TNFSF11: variants seen among roughly 807,000 people sequenced by gnomAD.
The protein encoded by TNFSF11 is tumor necrosis factor ligand superfamily member 11.
In TNFSF11, 12 loss-of-function variants were observed where a neutral mutation model predicts 32.2. The observed-to-expected ratio is 0.37, with a 90% CI of 0.24 to 0.60. The LOEUF (loss-of-function observed/expected upper bound fraction) is 0.60, where lower values mean the gene tolerates loss of function less well. Among genes scored for constraint, TNFSF11 ranks in the 20% least tolerant of loss-of-function variants. The probability of loss-of-function intolerance (pLI) is 0.66; values close to 1 mark genes in which losing one functional copy is unlikely to be tolerated. For missense variants in TNFSF11, 345 were observed against 398.0 expected (o/e 0.87, Z 1.13); for synonymous variants, 172 against 152.1 (o/e 1.13, Z -0.96).
chr13:42,587,800 A>C (rs1239663010), intron 2 of TNFSF11, among the ~76,000 whole-genome samples: 1 of 152,242 alleles, frequency 6.6e-6, no homozygotes, highest in Non-Finnish European at 1.5e-5. Flanking sequence ...TGCAATCTCC[A>C]TTATTATAAG....
intron 4 of TNFSF11, among the ~76,000 whole-genome samples, chr13:42,603,024 AAAT>A (rs1203297847): frequency 6.6e-6 from 1 of 152,204 alleles, no homozygotes; most frequent in African/African-American, 2.4e-5. Flanking sequence ...CTGTTTAAGA[AAAT>A]AGAATTTGTG....
intron 2 of TNFSF11, among the ~76,000 whole-genome samples, chr13:42,588,842 A>T (rs1207085084): frequency 6.6e-6 from 1 of 152,150 alleles, no homozygotes; most frequent in African/African-American, 2.4e-5. Flanking sequence ...AAGGAGTGTG[A>T]AGCCTGTGTG....
At chr13:42,576,563 G>A (rs1039761705) in intron 1 of TNFSF11, among the ~76,000 whole-genome samples, 5 of 152,020 alleles carry the variant, frequency 3.3e-5, no homozygotes, top group Admixed American at 6.5e-5. Context: ...ATGAAAATTC[G>A]GTTCCTTTGA....
chr13:42,605,925 T>G (rs1278741936), intron 4 of TNFSF11, among the ~76,000 whole-genome samples: 1 of 152,202 alleles, frequency 6.6e-6, no homozygotes, highest in African/African-American at 2.4e-5. Context: ...CTTTCCCTCT[T>G]CATGAGTTAA....
intron 2 of TNFSF11, among the ~76,000 whole-genome samples, chr13:42,599,303 CTCTATCTATCTATCTATCTA>C (rs140280017): frequency 2.1e-5 from 3 of 142,878 alleles, no homozygotes; most frequent in South Asian, 2.4e-4. Context: ...ATGTTATTGC[CTCTATCTATCTATCTATCTA>C]TCTATCTATC....
At chr13:42,589,319 A>G (rs1413897828) in intron 2 of TNFSF11, among the ~76,000 whole-genome samples, 1 of 151,680 alleles carries the variant, frequency 6.6e-6, no homozygotes, top group African/African-American at 2.4e-5. Context: ...TATTGTCTCT[A>G]CTCTGCTCAC....
At chr13:42,583,377 A>C (rs555202025) in intron 2 of TNFSF11, among the ~76,000 whole-genome samples, 3 of 137,648 alleles carry the variant, frequency 2.2e-5, no homozygotes, top group East Asian at 4.7e-4. Context: ...GCACCAGTGC[A>C]CTCCAGCCTG....
At chr13:42,601,757 G>T (rs886953282) in intron 4 of TNFSF11, among the ~76,000 whole-genome samples, 2 of 152,160 alleles carry the variant, frequency 1.3e-5, no homozygotes, top group Non-Finnish European at 2.9e-5. Flanking sequence ...TACTGGAGAT[G>T]GCTGAGTCTG....
chr13:42,598,868 A>G (rs145588122), intron 2 of TNFSF11, among the ~76,000 whole-genome samples: 118 of 152,362 alleles, frequency 7.7e-4, no homozygotes, highest in African/African-American at 2.3e-3. Flanking sequence ...CAGGGGAGAC[A>G]AAACTAGGAA....
intron 2 of TNFSF11, among the ~76,000 whole-genome samples, chr13:42,567,629 T>C (rs551753889): frequency 6.6e-6 from 1 of 152,324 alleles, no homozygotes; most frequent in Admixed American, 6.5e-5. Flanking sequence ...TTCCCAACCA[T>C]GATGGGATGG....
Position 42,606,880 on chromosome 13 carries a change from A to G in TNFSF11, c.916A>G (p.Thr306Ala). The G allele has an allele frequency of 6.2e-7, 1 of 1,614,170 alleles. No individual in the cohort carries two copies. The highest frequency in any genetic ancestry group is 8.5e-7 in the Non-Finnish European group (1 of 1,180,030). ...PSLLDPDQDA[T>A]YFGAFKVRDI... is the part of the protein sequence containing the mutation. Reference sequence around the variant, plus strand: ...CTTACTGGATCCGGATCAGGATGCAACATACTTTGGGGCTTTTAAAGTTCG... The same window carrying G: ...CTTACTGGATCCGGATCAGGATGCAGCATACTTTGGGGCTTTTAAAGTTCG... The change falls in exon 5 of 5, where the codon ACA becomes GCA. Residue 306 changes from threonine (T) to alanine (A), a missense_variant. Thr to Ala is a moderately conservative substitution (Grantham distance 58). Transcript: ENST00000398795.
At chr13:42,589,955 C>A (rs1042324245) in intron 2 of TNFSF11, among the ~76,000 whole-genome samples, 2 of 152,256 alleles carry the variant, frequency 1.3e-5, no homozygotes, top group Non-Finnish European at 2.9e-5. Context: ...TCAGGCATTA[C>A]TTCCTGGAGG....
At chr13:42,583,627 T>C (rs1873743491) in intron 2 of TNFSF11, among the ~76,000 whole-genome samples, 1 of 152,024 alleles carries the variant, frequency 6.6e-6, no homozygotes. Flanking sequence ...GATGGATTCT[T>C]GATGTTATTA....
intron 4 of TNFSF11, among the ~76,000 whole-genome samples, chr13:42,602,116 G>A (rs1168894646): frequency 6.6e-6 from 1 of 152,172 alleles, no homozygotes; most frequent in African/African-American, 2.4e-5. Flanking sequence ...TCTAATAACA[G>A]GGGTGCTAAA....
chr13:42,590,561 G>A (rs1874120043), intron 2 of TNFSF11, among the ~76,000 whole-genome samples: 1 of 152,200 alleles, frequency 6.6e-6, no homozygotes, highest in African/African-American at 2.4e-5. Flanking sequence ...ATTTGTCAAT[G>A]TAGAAAGCAC....
intron 2 of TNFSF11, among the ~76,000 whole-genome samples, chr13:42,586,057 T>C (rs1873881323): frequency 3.3e-5 from 5 of 152,370 alleles, no homozygotes; most frequent in Admixed American, 3.3e-4. Flanking sequence ...TTTTAAAAGC[T>C]GTGCTTTAGT....
chr13:42,570,365 A>G (rs1873018746), upstream of TNFSF11, among the ~76,000 whole-genome samples: 1 of 152,206 alleles, frequency 6.6e-6, no homozygotes, highest in South Asian at 2.1e-4. Flanking sequence ...ACTTAGCCCT[A>G]TTTTTCAATA....
chr13:42,563,667 A>C (rs1872765456), intron 1 of TNFSF11, among the ~76,000 whole-genome samples: 1 of 151,118 alleles, frequency 6.6e-6, no homozygotes, highest in South Asian at 2.1e-4. Flanking sequence ...CCGTCTCAAA[A>C]AAAAAAAAAA....
At chr13:42,568,359 A>G (rs1872942550) in intron 2 of TNFSF11, among the ~76,000 whole-genome samples, 2 of 152,204 alleles carry the variant, frequency 1.3e-5, no homozygotes, top group South Asian at 4.1e-4. Context: ...GCAGGTTGTA[A>G]TTCCATTCTT....
Sources: allele counts gnomAD v4.1 joint callset (sites outside exome capture counted in the v4.1 genomes callset), GRCh38; gene constraint gnomAD v4.1.1; transcripts MANE v1.5; gene names NCBI Gene and HGNC (gene_info 2026-07-23, HGNC 2026-07-21).